Variants in PCDH15 observed in about 807,000 individuals in gnomAD.
PCDH15 encodes protocadherin related 15, also known as protocadherin-15.
A neutral mutation model predicts 178.5 loss-of-function variants in PCDH15; 129 were observed. The ratio of observed to expected loss-of-function variants is 0.72; its 90% CI spans 0.63 to 0.84. The LOEUF (loss-of-function observed/expected upper bound fraction) is 0.84, where lower values mean the gene tolerates loss of function less well. Among genes scored for constraint, PCDH15 ranks in the 40% least tolerant of loss-of-function variants. The pLI is 0.00. For synonymous variants in PCDH15, 800 were observed against 732.0 expected, an observed-to-expected ratio of 1.09 and a Z score of -1.50; for missense variants, 2,230 against 2,099.9, an observed-to-expected ratio of 1.06 and a Z score of -1.21.
At chr10:54,781,235 A>C (rs1950331231) in intron 1 of PCDH15, among the ~76,000 whole-genome samples, 1 of 152,064 alleles carries the variant, frequency 6.6e-6, no homozygotes, top group South Asian at 2.1e-4. Flanking sequence ...TTACATAGGT[A>C]TACACTTGCT....
intron 3 of PCDH15, among the ~76,000 whole-genome samples, chr10:54,458,378 T>C (rs997722629): frequency 6.6e-6 from 1 of 152,102 alleles, no homozygotes; most frequent in African/African-American, 2.4e-5. Flanking sequence ...CAATTAAATA[T>C]CTGGCTTAAT....
intron 1 of PCDH15, among the ~76,000 whole-genome samples, chr10:54,789,647 G>A (rs1161750524): frequency 6.6e-6 from 1 of 151,844 alleles, no homozygotes; most frequent in African/African-American, 2.4e-5. Context: ...TAAATTCCAT[G>A]TTTAAATGCA....
intron 2 of PCDH15, among the ~76,000 whole-genome samples, chr10:55,042,024 T>C (rs922553080): frequency 1.3e-5 from 2 of 152,146 alleles, no homozygotes; most frequent in African/African-American, 4.8e-5. Context: ...GTCTTCACTC[T>C]ACCATAAGGC....
chr10:55,426,335 G>C (rs1320059953), intron 2 of PCDH15, among the ~76,000 whole-genome samples: 1 of 152,132 alleles, frequency 6.6e-6, no homozygotes, highest in East Asian at 1.9e-4. Context: ...ACCAGCGTTT[G>C]AGCCATCTGG....
intron 2 of PCDH15, chr10:54,600,026 A>G: frequency 7.5e-7 from 1 of 1,341,152 alleles, no homozygotes; most frequent in Non-Finnish European, 1.0e-6. Context: ...TCAAAAGCAG[A>G]AGTGGGGAAA....
In PCDH15 at chr10:54,981,492, C is replaced by T. The variant is rs73267990; in HGVS notation, c.-79-83992G>A. Among the ~76,000 whole-genome samples, 206 of 152,244 alleles carry T rather than the reference C, an allele frequency of 1.4e-3. 1 individual carries two copies. Among genetic ancestry groups the T allele is most frequent in the African/African-American group, 4.8e-3 (198 of 41,528 alleles). On this transcript the variant is annotated intron_variant, in intron 2 of 5. Coordinates refer to the PCDH15 transcript ENST00000458638. The stretch of plus-strand genomic sequence containing the variant: ...ACTACTGGTTAGTTAACACAGAAGT[C>T]AGCACCTGCCAAAACACGACTGATG...
chr10:53,933,721 T>C (rs1157396956), intron 25 of PCDH15, among the ~76,000 whole-genome samples: 2 of 152,188 alleles, frequency 1.3e-5, no homozygotes, highest in African/African-American at 2.4e-5. Flanking sequence ...ATGGTATTTC[T>C]AGTTCTAGAT....
At chr10:55,579,179 C>A (rs192689548) in intron 2 of PCDH15, among the ~76,000 whole-genome samples, 15 of 152,036 alleles carry the variant, frequency 9.9e-5, no homozygotes, top group African/African-American at 3.1e-4. Flanking sequence ...TCAAAAGAAA[C>A]AGTAAATTAC....
At chr10:55,540,505 T>C (rs1841733688) in intron 2 of PCDH15, among the ~76,000 whole-genome samples, 1 of 151,990 alleles carries the variant, frequency 6.6e-6, no homozygotes, top group South Asian at 2.1e-4. Context: ...TGATCAGGCT[T>C]ATGAAAAAAC....
intron 3 of PCDH15, among the ~76,000 whole-genome samples, chr10:54,849,137 G>A (rs1242854683): frequency 6.6e-6 from 1 of 151,790 alleles, no homozygotes; most frequent in East Asian, 1.9e-4. Context: ...CTAATAACAT[G>A]TTCAGTTAAA....
intron 1 of PCDH15, among the ~76,000 whole-genome samples, chr10:54,725,572 A>G (rs115534002): frequency 0.12 from 17,583 of 144,534 alleles, 1,453 homozygotes; most frequent in African/African-American, 0.17. Context: ...ATATAATTGG[A>G]AACTCATTTC....
intron 3 of PCDH15, among the ~76,000 whole-genome samples, chr10:54,842,405 G>T (rs1460296752): frequency 6.6e-6 from 1 of 151,704 alleles, no homozygotes; most frequent in African/African-American, 2.4e-5. Context: ...TTTGTGACCT[G>T]CCCGTCTGCA....
intron 15 of PCDH15, among the ~76,000 whole-genome samples, chr10:54,106,300 TAAC>T (rs1313254433): frequency 6.6e-6 from 1 of 152,252 alleles, no homozygotes; most frequent in African/African-American, 2.4e-5. Flanking sequence ...TAGCTGCTAA[TAAC>T]AAGCAAGAAT....
At chr10:55,139,637 T>C (rs1388842011) in intron 2 of PCDH15, among the ~76,000 whole-genome samples, 1 of 152,066 alleles carries the variant, frequency 6.6e-6, no homozygotes, top group Non-Finnish European at 1.5e-5. Context: ...TTCATTCTGT[T>C]CCATCGATCT....
intron 2 of PCDH15, among the ~76,000 whole-genome samples, chr10:55,519,107 A>C (rs987826895): frequency 4.0e-5 from 6 of 150,928 alleles, no homozygotes; most frequent in East Asian, 3.9e-4. Context: ...AAAAAAAAAA[A>C]AAAAAAAAAA....
Position 53,806,632 on chromosome 10 carries a change from C to T in PCDH15, c.5170G>A (p.Glu1724Lys). Residue 1724 changes from glutamate to lysine, a missense_variant, in exon 38 of 38, where the codon GAG (glutamate) becomes AAG (lysine). Glu to Lys is a moderately conservative substitution (Grantham distance 56). Transcript: ENST00000644397. ...HSDHTQSDDE[E>K]LWMGPWNNLH... Reference sequence around the variant, plus strand: ...TTGTTCCAGGGGCCCATCCAAAGCTCTTCATCATCAGACTGTGTGTGGTCA... The same window carrying T: ...TTGTTCCAGGGGCCCATCCAAAGCTTTTCATCATCAGACTGTGTGTGGTCA... 1 of 1,613,724 alleles carries T rather than the reference C, an allele frequency of 6.2e-7. No individual in the cohort carries two copies. The highest frequency in any genetic ancestry group is 2.2e-5 in the East Asian group (1 of 44,870).
chr10:55,221,150 C>T (rs1041622822), intron 1 of PCDH15, among the ~76,000 whole-genome samples: 4 of 151,766 alleles, frequency 2.6e-5, no homozygotes, highest in African/African-American at 9.7e-5. Context: ...ACAGATAGCA[C>T]ACACACACAC....
intron 2 of PCDH15, among the ~76,000 whole-genome samples, chr10:55,137,737 A>C (rs1838236773): frequency 6.6e-6 from 1 of 152,114 alleles, no homozygotes; most frequent in Admixed American, 6.5e-5. Context: ...ACAAGCTTTA[A>C]AAGTTCATAG....
chr10:54,634,787 A>G (rs2093802956), intron 2 of PCDH15, among the ~76,000 whole-genome samples: 1 of 152,070 alleles, frequency 6.6e-6, no homozygotes, highest in South Asian at 2.1e-4. Flanking sequence ...TAAAAAAGAC[A>G]CATAGTTAGG....
Sources: gnomAD v4.1 joint callset for allele counts (sites outside exome capture counted in the v4.1 genomes callset) on GRCh38, gnomAD v4.1.1 for gene constraint, MANE v1.5 for transcripts, NCBI Gene and HGNC (gene_info 2026-07-23, HGNC 2026-07-21) for gene names.